The following TYW1B variants were observed in gnomAD, a reference collection of about 807,000 sequenced individuals.
TYW1B encodes S-adenosyl-L-methionine-dependent tRNA 4-demethylwyosine synthase TYW1B.
A neutral mutation model predicts 86.9 loss-of-function variants in TYW1B; 73 were observed. The observed-to-expected ratio is 0.84, with a 90% CI of 0.70 to 1.02. The LOEUF (loss-of-function observed/expected upper bound fraction) is 1.02, where lower values mean the gene tolerates loss of function less well. TYW1B is among the 50% of genes least tolerant of loss of function. TYW1B has a pLI of 0.00. For synonymous variants in TYW1B, 248 were observed against 292.8 expected, an observed-to-expected ratio of 0.85 and a Z score of 1.56; for missense variants, 637 against 827.4, an observed-to-expected ratio of 0.77 and a Z score of 2.82.
chr7:72,638,858 A>C (rs1554441127), intron 11 of TYW1B, among the ~76,000 whole-genome samples: 1 of 152,230 alleles, frequency 6.6e-6, no homozygotes, highest in Non-Finnish European at 1.5e-5. Context: ...CCAAAAACTG[A>C]ATATATCGTC....
chr7:72,632,426 A>T (rs1164458228), intron 11 of TYW1B, among the ~76,000 whole-genome samples: 9 of 91,112 alleles, frequency 9.9e-5, no homozygotes, highest in African/African-American at 5.3e-4. Flanking sequence ...TATATATAAA[A>T]TATATATATA....
intron 13 of TYW1B, among the ~76,000 whole-genome samples, chr7:72,586,720 G>C (rs1327165123): frequency 6.6e-6 from 1 of 151,568 alleles, no homozygotes; most frequent in African/African-American, 2.4e-5. Flanking sequence ...ATGGGTGACA[G>C]AGTGAGACGC....
At chr7:72,576,030 C>G (rs1554428433) in intron 13 of TYW1B, among the ~76,000 whole-genome samples, 1 of 152,326 alleles carries the variant, frequency 6.6e-6, no homozygotes, top group African/African-American at 2.4e-5. Context: ...TACCATGTGA[C>G]TAATTCAAAC....
intron 11 of TYW1B, among the ~76,000 whole-genome samples, chr7:72,634,324 A>C (rs1237397022): frequency 6.9e-6 from 1 of 145,622 alleles, no homozygotes; most frequent in African/African-American, 2.6e-5. Context: ...GACTACAGGC[A>C]CATGCTGCCA....
intron 11 of TYW1B, among the ~76,000 whole-genome samples, chr7:72,670,389 C>T (rs1554446157): frequency 6.6e-6 from 1 of 152,168 alleles, no homozygotes; most frequent in African/African-American, 2.4e-5. Flanking sequence ...GGGGGTTTCC[C>T]CATGTTGGTC....
At chr7:72,754,612 G>GT (rs1376426611) in intron 7 of TYW1B, among the ~76,000 whole-genome samples, 2 of 151,380 alleles carry the variant, frequency 1.3e-5, no homozygotes, top group African/African-American at 4.9e-5. Context: ...TAATTTTTAT[G>GT]TTTTTTGAAG....
At chr7:72,684,178 C>T (rs536348787) in intron 11 of TYW1B, among the ~76,000 whole-genome samples, 1 of 152,236 alleles carries the variant, frequency 6.6e-6, no homozygotes, top group African/African-American at 2.4e-5. Context: ...CAAATAATGA[C>T]TCAGGATTTC....
In TYW1B at chr7:72,828,149, G is replaced by A. The variant is rs1206638301; in HGVS notation, c.-74C>T. ...AAGGTTCGCACTGGTACTGCGAGAC[G>A]CACCGAGCTACCTCGCGGCGTTAGC... is the stretch of plus-strand genomic sequence containing the variant. On this transcript the variant is annotated 5_prime_UTR_variant, in exon 1 of 14. Coordinates refer to ENST00000620995, the MANE Select transcript of TYW1B (RefSeq NM_001145440.3). 67 of 1,603,612 alleles carry A rather than the reference G, an allele frequency of 4.2e-5. No individual in the cohort carries two copies. The highest frequency in any genetic ancestry group is 5.2e-5 in the Non-Finnish European group (61 of 1,175,264).
intron 3 of TYW1B, among the ~76,000 whole-genome samples, chr7:72,814,871 C>T (rs1788691657): frequency 6.6e-6 from 1 of 151,042 alleles, no homozygotes; most frequent in Non-Finnish European, 1.5e-5. Flanking sequence ...TTGAGACCAG[C>T]CTGGCCAACA....
intron 9 of TYW1B, among the ~76,000 whole-genome samples, chr7:72,717,644 G>GACACAC (rs71071905): frequency 7.0e-4 from 103 of 146,142 alleles, no homozygotes; most frequent in African/African-American, 1.9e-3. Context: ...AGCTGTGCTT[G>GACACAC]ACACACACAC....
intron 13 of TYW1B, among the ~76,000 whole-genome samples, chr7:72,593,236 C>T (rs1328689711): frequency 4.7e-5 from 7 of 149,736 alleles, no homozygotes; most frequent in South Asian, 2.1e-4. Flanking sequence ...GAGGTTGTGG[C>T]GAGCCGAGAT....
chr7:72,696,540 CAGT>C (rs1814325345), intron 10 of TYW1B, among the ~76,000 whole-genome samples: 1 of 152,170 alleles, frequency 6.6e-6, no homozygotes. Flanking sequence ...ATATACGTAT[CAGT>C]AGCAGCCTTA....
intron 13 of TYW1B, among the ~76,000 whole-genome samples, chr7:72,580,552 G>C (rs1367937279): frequency 3.3e-5 from 5 of 152,096 alleles, no homozygotes; most frequent in Non-Finnish European, 7.4e-5. Context: ...AAGGGTCTGT[G>C]GCCTTGCTGG....
intron 13 of TYW1B, among the ~76,000 whole-genome samples, chr7:72,581,410 T>A (rs1247499628): frequency 3.9e-5 from 6 of 152,218 alleles, no homozygotes; most frequent in Non-Finnish European, 8.8e-5. Flanking sequence ...CACTCCAAGA[T>A]AGAGTCAGCC....
chr7:72,617,519 A>C (rs1482443745), intron 12 of TYW1B, among the ~76,000 whole-genome samples: 1 of 152,038 alleles, frequency 6.6e-6, no homozygotes, highest in Non-Finnish European at 1.5e-5. Flanking sequence ...GGCGCCTGCC[A>C]CCACGCCTGG....
At chr7:72,654,782 G>A (rs1813158861) in intron 11 of TYW1B, among the ~76,000 whole-genome samples, 1 of 152,164 alleles carries the variant, frequency 6.6e-6, no homozygotes, top group African/African-American at 2.4e-5. Context: ...TTGGGAGGCT[G>A]AGGCAGGAGA....
At chr7:72,787,562 A>G (rs1433801561) in intron 6 of TYW1B, among the ~76,000 whole-genome samples, 1 of 151,930 alleles carries the variant, frequency 6.6e-6, no homozygotes, top group African/African-American at 2.4e-5. Flanking sequence ...CACAAGGTCA[A>G]TGGATCAAGA....
chr7:72,653,468 G>A (rs1385600838), intron 11 of TYW1B, among the ~76,000 whole-genome samples: 3 of 152,074 alleles, frequency 2.0e-5, no homozygotes, highest in Non-Finnish European at 2.9e-5. Context: ...TTAGCCAGGC[G>A]TGGTGGCGAG....
intron 11 of TYW1B, among the ~76,000 whole-genome samples, chr7:72,669,856 A>G (rs1554446013): frequency 6.6e-6 from 1 of 152,094 alleles, no homozygotes; most frequent in African/African-American, 2.4e-5. Context: ...GTGCCTTGGG[A>G]GGCCAAGGTA....
Sources: gnomAD v4.1 joint callset for allele counts (sites outside exome capture counted in the v4.1 genomes callset) on GRCh38, gnomAD v4.1.1 for gene constraint, MANE v1.5 for transcripts, NCBI Gene and HGNC (gene_info 2026-07-23, HGNC 2026-07-21) for gene names.